The following SLC3A1 variants were observed in gnomAD, a reference collection of about 807,000 sequenced individuals.
The protein encoded by SLC3A1 is amino acid transporter heavy chain SLC3A1.
Under a neutral mutation model 60.3 loss-of-function variants are expected in SLC3A1, and 78 were observed. The ratio of observed to expected loss-of-function variants is 1.29; its 90% CI spans 1.08 to 1.56. The LOEUF (loss-of-function observed/expected upper bound fraction) is 1.56. Among genes scored for constraint, SLC3A1 ranks in the 40% most tolerant of loss-of-function variants. The probability of loss-of-function intolerance (pLI) is 0.00; values close to 1 mark genes in which losing one functional copy is unlikely to be tolerated. For synonymous variants in SLC3A1, 392 were observed against 307.9 expected, an observed-to-expected ratio of 1.27 and a Z score of -2.86; for missense variants, 1,172 against 858.9, an observed-to-expected ratio of 1.36 and a Z score of -4.56.
intron 4 of SLC3A1, among the ~76,000 whole-genome samples, chr2:44,298,662 G>T (rs929728937): frequency 6.6e-6 from 1 of 152,202 alleles, no homozygotes; most frequent in African/African-American, 2.4e-5. Context: ...ATAGGCGTGA[G>T]CCGCTGCGCC....
intron 7 of SLC3A1, among the ~76,000 whole-genome samples, chr2:44,311,721 G>GT (rs1192695920): frequency 2.9e-5 from 2 of 68,322 alleles, no homozygotes; most frequent in African/African-American, 6.2e-5. Context: ...AGCTAAGGAA[G>GT]TTAAAAAAAA....
At chr2:44,285,509 C>G in intron 3 of SLC3A1, 1 of 368,168 alleles carries the variant, frequency 2.7e-6, no homozygotes, top group South Asian at 2.2e-5. Flanking sequence ...ACATCGTCAA[C>G]TATTGCTGAG....
chr2:44,296,489 C>T (rs1248299471), intron 4 of SLC3A1, among the ~76,000 whole-genome samples: 1 of 152,098 alleles, frequency 6.6e-6, no homozygotes, highest in East Asian at 1.9e-4. Flanking sequence ...AGAAAAATTC[C>T]ACTGGGTAGA....
At chr2:44,299,031 CTTTTT>C (rs3074475) in intron 4 of SLC3A1, among the ~76,000 whole-genome samples, 31 of 124,364 alleles carry the variant, frequency 2.5e-4, no homozygotes, top group African/African-American at 8.1e-4. Flanking sequence ...ATGTAGATTC[CTTTTT>C]TTTTTTTTTT....
At chr2:44,283,978 C>G (rs1156544514) in intron 3 of SLC3A1, among the ~76,000 whole-genome samples, 1 of 152,038 alleles carries the variant, frequency 6.6e-6, no homozygotes, top group Non-Finnish European at 1.5e-5. Flanking sequence ...TTTACTTATC[C>G]ACTCTTCAGT....
intron 9 of SLC3A1, chr2:44,318,666 G>C (rs998555465): frequency 1.3e-5 from 2 of 151,574 alleles, no homozygotes; most frequent in Non-Finnish European, 2.9e-5. Flanking sequence ...TATAGTGCCT[G>C]TCTCTGAGGG....
downstream of SLC3A1, chr2:44,321,826 C>T (rs113296383): frequency 6.2e-7 from 1 of 1,613,722 alleles, no homozygotes. Context: ...TGATAACATA[C>T]CTTTTTGTGA....
At chr2:44,290,931 A>G (rs1226973069) in intron 4 of SLC3A1, among the ~76,000 whole-genome samples, 4 of 152,102 alleles carry the variant, frequency 2.6e-5, no homozygotes, top group African/African-American at 9.7e-5. Context: ...CCCACGCCTC[A>G]TGCTCTCCCC....
Position 44,304,523 on chromosome 2 carries a change from C to CA in SLC3A1, c.1332+186dup, listed in dbSNP as rs1340753094. On this transcript the variant is annotated intron_variant, in intron 7 of 9. Transcript: ENST00000260649. The stretch of plus-strand genomic sequence containing the variant: ...TTTTCATTAAGGGAGGGAGACTGCC[C>CA]ACTGAATGGAATGAATATTGAATGA... Among the ~76,000 whole-genome samples the CA allele has an allele frequency of 2.9e-4, 44 of 152,280 alleles. 1 individual carries two copies. Among genetic ancestry groups the CA allele is most frequent in the African/African-American group, 1.1e-3 (44 of 41,556 alleles).
At chr2:44,289,433 A>T (rs1179643770) in intron 4 of SLC3A1, among the ~76,000 whole-genome samples, 1 of 145,480 alleles carries the variant, frequency 6.9e-6, no homozygotes. Context: ...CTGGTCTCGA[A>T]CTCGTGGTCT....
rs915624230 is a variant in SLC3A1 at position 44,303,915 on chromosome 2, C to G, written c.1137-228C>G. 3 of 618,590 alleles carry G rather than the reference C, an allele frequency of 4.8e-6. No individual in the cohort carries two copies. In the African/African-American group the frequency reaches 5.5e-5, roughly 11 times the overall value. The allele number at this position is 618,590 out of a possible 1,614,324, so 38.3% of individuals were successfully genotyped here. ...TCCCTGCAAAGGACATGGACTCATC[C>G]TTTTTTATGGCTGCATAGTATTCCA... On this transcript the variant is annotated intron_variant, in intron 6 of 9. Transcript: ENST00000260649.
intron 4 of SLC3A1, 55 bp from the exon 5 acceptor site, chr2:44,299,916 C>G: frequency 6.3e-7 from 1 of 1,591,426 alleles, no homozygotes; most frequent in South Asian, 1.1e-5. Flanking sequence ...TTTGATTAAA[C>G]GTTGTGATAA....
rs1465465265 is a variant in SLC3A1, at chr2:44,275,656, A to G, written c.121A>G (p.Thr41Ala). ...LEQTPDPGSS[T>A]DNLKHSTRGI... ...GCAGACCCCGGATCCAGGAAGCTCA[A>G]CAGACAACCTGAAGCACAGCACCAG... The change falls in exon 1 of 10, where the codon ACA becomes GCA. Residue 41 changes from threonine (T) to alanine (A), a missense_variant. Thr to Ala is a moderately conservative substitution (Grantham distance 58). Transcript: ENST00000260649. The G allele has an allele frequency of 1.2e-6, 2 of 1,614,076 alleles. No homozygotes were observed. The highest frequency in any genetic ancestry group is 1.7e-6 in the Non-Finnish European group (2 of 1,180,030).
chr2:44,300,144 A>T, intron 5 of SLC3A1, 54 bp downstream of exon 5: 3 of 1,588,488 alleles, frequency 1.9e-6, no homozygotes, highest in East Asian at 2.2e-5. Context: ...ATGTCATCAG[A>T]GTGTTTTCTT....
chr2:44,280,693 A>T (rs986173824), intron 1 of SLC3A1, 23 bp from the exon 2 acceptor site: 3 of 1,560,964 alleles, frequency 1.9e-6, no homozygotes, highest in Admixed American at 1.7e-5. Flanking sequence ...GGGTTTATTC[A>T]TGACTTTGAC....
intron 3 of SLC3A1, among the ~76,000 whole-genome samples, chr2:44,283,638 G>T (rs2104338588): frequency 6.6e-6 from 1 of 152,206 alleles, no homozygotes; most frequent in East Asian, 1.9e-4. Flanking sequence ...GATCACAGCT[G>T]CCTTGTGATC....
Position 44,294,348 on chromosome 2 carries a change from T to C in SLC3A1, c.892-5623T>C, listed in dbSNP as rs542252980. ...GGTGAAACTCCATCTCTACTAAAAA[T>C]ACAAAAATTAGCCAGATGTGGTGAC... On this transcript the variant is annotated intron_variant, in intron 4 of 9. Coordinates refer to ENST00000260649, the MANE Select transcript of SLC3A1 (RefSeq NM_000341.4). Among the ~76,000 whole-genome samples the C allele has an allele frequency of 3.3e-5, 5 of 151,806 alleles. 1 individual carries two copies. The highest frequency in any genetic ancestry group is 3.3e-4 in the Admixed American group (5 of 15,228).
chr2:44,296,226 T>G (rs935412943), intron 4 of SLC3A1, among the ~76,000 whole-genome samples: 1 of 152,198 alleles, frequency 6.6e-6, no homozygotes, highest in Non-Finnish European at 1.5e-5. Flanking sequence ...TGTTTTACCC[T>G]CTTGTATTAC....
In SLC3A1 at chr2:44,320,722, T is replaced by A; in HGVS notation, c.*83T>A. Reference sequence around the variant, plus strand: ...ATAGCTTCATGTACAGCATGCTGCTTGGTGAACAATCATTAATTCTTCGAT... The same window carrying A: ...ATAGCTTCATGTACAGCATGCTGCTAGGTGAACAATCATTAATTCTTCGAT... On this transcript the variant is annotated 3_prime_UTR_variant, in exon 10 of 10. Coordinates refer to ENST00000260649, the MANE Select transcript of SLC3A1 (RefSeq NM_000341.4). 9.7e-7 allele frequency: 1 copy of A among 1,033,438 alleles called. No homozygotes were observed. The highest frequency in any genetic ancestry group is 1.5e-6 in the Non-Finnish European group (1 of 657,140). The allele number at this position is 1,033,438 out of a possible 1,614,324, so 64.0% of individuals were successfully genotyped here. A position where few individuals can be genotyped will look rare whatever the true frequency, so the allele number is the denominator to read the frequency against.
Sources: gnomAD v4.1 joint callset for allele counts (sites outside exome capture counted in the v4.1 genomes callset) on GRCh38, gnomAD v4.1.1 for gene constraint, MANE v1.5 for transcripts, NCBI Gene and HGNC (gene_info 2026-07-23, HGNC 2026-07-21) for gene names.